Variants in MRS2 observed in about 807,000 individuals in gnomAD.
The protein encoded by MRS2 is magnesium transporter MRS2.
Under a neutral mutation model 52.6 loss-of-function variants are expected in MRS2, and 40 were observed. The ratio of observed to expected loss-of-function variants is 0.76; its 90% CI spans 0.59 to 0.99. The LOEUF is 0.99. MRS2 is among the 50% of genes least tolerant of loss of function. The pLI is 0.00. For synonymous variants in MRS2, 193 were observed against 195.9 expected (o/e 0.98, Z 0.13); for missense variants, 472 against 532.7 (o/e 0.89, Z 1.12).
chr6:24,422,908 C>G lies in MRS2; in HGVS notation c.1108-29C>G, dbSNP rs747259910. On this transcript the variant is annotated intron_variant, in intron 9 of 10. Coordinates refer to ENST00000378386, the MANE Select transcript of MRS2 (RefSeq NM_020662.4). ...ATCTTCTAAGGAACCTGGCGTTTTG[C>G]GATGGAAATGAACTGTGTTCTCTTT... 11 of 1,494,266 alleles carry G rather than the reference C, an allele frequency of 7.4e-6. No homozygotes were observed. In the South Asian group the frequency reaches 1.2e-4, roughly 16 times the overall value. 92.6% of individuals were successfully genotyped at this position (1,494,266 alleles called of 1,614,324 possible).
chr6:24,406,422 G>A (rs1029143032), intron 2 of MRS2, among the ~76,000 whole-genome samples: 10 of 152,028 alleles, frequency 6.6e-5, no homozygotes, highest in Non-Finnish European at 5.9e-5. Context: ...CCAGAATTGC[G>A]TTTAAAAGTT....
At position 24,423,406 on chromosome 6, in the gene MRS2, A is replaced by AGAT. The variant is rs1339038014; in HGVS notation, c.1222-177_1222-175dup. The AGAT allele has an allele frequency of 9.7e-5, 48 of 493,172 alleles. No homozygotes were observed. In the Middle Eastern group the frequency reaches 2.1e-3, roughly 22 times the overall value. The allele number at this position is 493,172 out of a possible 1,614,324, so 30.5% of individuals were successfully genotyped here. On this transcript the variant is annotated intron_variant, in intron 10 of 10. Coordinates refer to ENST00000378386, the MANE Select transcript of MRS2 (RefSeq NM_020662.4). ...AGGAAACATTTATAACGTTCTTAAA[A>AGAT]GATAGAAAATTCACCTCCATTTTCT... is the stretch of plus-strand genomic sequence containing the variant.
At position 24,418,467 on chromosome 6, in the gene MRS2, A is replaced by ATGG; in HGVS notation, c.996_997insTGG (p.Arg332_Asn333insTrp). On this transcript the variant is annotated inframe_insertion, in exon 9 of 11. Coordinates refer to ENST00000378386, the MANE Select transcript of MRS2 (RefSeq NM_020662.4). Reference sequence around the variant, plus strand: ...TAGGTGTTCTCCTCTCCAGCCACCGAAACGTGATGATGAGGTTGAATCTAC... The same window carrying ATGG: ...TAGGTGTTCTCCTCTCCAGCCACCGATGGAACGTGATGATGAGGTTGAATCTAC... 6.2e-7 allele frequency: 1 copy of ATGG among 1,614,098 alleles called. No individual in the cohort carries two copies.
At chr6:24,422,711 A>G (rs1435318939) in intron 9 of MRS2, among the ~76,000 whole-genome samples, 4 of 152,206 alleles carry the variant, frequency 2.6e-5, no homozygotes, top group African/African-American at 9.7e-5. Context: ...AAAGCAGTAC[A>G]TTTGGCATAT....
In MRS2 at chr6:24,403,136, C is replaced by T. The variant is rs774428615; in HGVS notation, c.90C>T (p.Thr30=). The T allele has an allele frequency of 1.2e-5, 19 of 1,611,634 alleles. No homozygotes were observed. Among genetic ancestry groups the T allele is most frequent in the Admixed American group, 1.7e-5 (1 of 60,014 alleles). ...RTLCALALDV[T]SVGPPVAACG... The stretch of plus-strand genomic sequence containing the variant: ...TGTGTGCCCTGGCCTTGGACGTGAC[C>T]TCTGTGGGTCCTCCCGTTGCTGCCT... Residue 30 remains threonine (T), a synonymous_variant, in exon 1 of 11, where the codon ACC becomes ACT. Transcript: ENST00000378386.
At chr6:24,409,905 T>C (rs750557486) in intron 4 of MRS2, among the ~76,000 whole-genome samples, 30 of 152,336 alleles carry the variant, frequency 2.0e-4, no homozygotes, top group Non-Finnish European at 4.0e-4. Context: ...TTGTGTACAG[T>C]TACATGTAAT....
At chr6:24,412,999 C>T (rs1302454422) in intron 5 of MRS2, among the ~76,000 whole-genome samples, 1 of 152,128 alleles carries the variant, frequency 6.6e-6, no homozygotes, top group Non-Finnish European at 1.5e-5. Flanking sequence ...TTGGGTGAAC[C>T]TGGCACACTT....
At chr6:24,405,091 T>TA in intron 1 of MRS2, 77 bp from the exon 2 acceptor site, 1 of 1,016,492 alleles carries the variant, frequency 9.8e-7, no homozygotes, top group East Asian at 2.4e-5. Flanking sequence ...GGCCTCCACA[T>TA]ACTTTGAGAG....
At chr6:24,418,613 T>G (rs1581708058) in intron 9 of MRS2, 35 bp downstream of exon 9, 4 of 1,535,620 alleles carry the variant, frequency 2.6e-6, no homozygotes, top group Non-Finnish European at 2.7e-6. Flanking sequence ...AACTTGGGGG[T>G]TTTGGCCGGG....
chr6:24,423,507 A>G (rs1762125161), intron 10 of MRS2, 77 bp from the exon 11 acceptor site: 1 of 713,502 alleles, frequency 1.4e-6, no homozygotes, highest in South Asian at 2.0e-5. Context: ...TTCACTGAGT[A>G]GTTACATAAT....
intron 5 of MRS2, among the ~76,000 whole-genome samples, chr6:24,412,869 C>T (rs1298002456): frequency 6.6e-6 from 1 of 152,154 alleles, no homozygotes; most frequent in African/African-American, 2.4e-5. Context: ...TCTTTTCTTC[C>T]TCCTGTTAAG....
At chr6:24,415,285 A>T (rs896254978) in intron 6 of MRS2, 122 bp downstream of exon 6, 2 of 925,484 alleles carry the variant, frequency 2.2e-6, no homozygotes, top group African/African-American at 3.3e-5. Context: ...AGTTGAGCTA[A>T]AAGGGGCACA....
chr6:24,413,180 G>C (rs1761725258), intron 5 of MRS2, among the ~76,000 whole-genome samples: 1 of 152,096 alleles, frequency 6.6e-6, no homozygotes, highest in South Asian at 2.1e-4. Flanking sequence ...TAAGTCATGG[G>C]CTCCACAGGC....
At chr6:24,423,523 ATTTTACTAGTGGCT>A (rs1762125763) in intron 10 of MRS2, 47 bp from the exon 11 acceptor site, 1 of 918,242 alleles carries the variant, frequency 1.1e-6, no homozygotes, top group Non-Finnish European at 1.7e-6. Context: ...ATAATACATC[ATTTTACTAGTGGCT>A]TTTCTTTTAA....
At chr6:24,404,240 A>G (rs1243116271) in intron 1 of MRS2, among the ~76,000 whole-genome samples, 1 of 148,732 alleles carries the variant, frequency 6.7e-6, no homozygotes, top group South Asian at 2.1e-4. Flanking sequence ...AGCAAGTTGG[A>G]GGAAACTTTT....
At chr6:24,407,193 G>A (rs920682082) in intron 2 of MRS2, among the ~76,000 whole-genome samples, 3 of 131,130 alleles carry the variant, frequency 2.3e-5, no homozygotes, top group East Asian at 2.0e-4. Flanking sequence ...TTTATGTTAC[G>A]TATATTTATT....
rs1430509187 is a variant in MRS2, at chr6:24,412,248, G to A, written c.441G>A (p.Glu147=). Residue 147 remains glutamate, a synonymous_variant, in exon 5 of 11, where the codon GAG becomes GAA. Transcript: ENST00000378386. ...ATTTGAAAGCTGTGATAACTCCAGA[G>A]TGTCTTCTGATATTAGATTATCGTA... The part of the protein sequence containing the change: ...MEYLKAVITP[E]CLLILDYRNL... 8.9e-6 allele frequency: 14 copies of A among 1,581,296 alleles called. No homozygotes were observed. The highest frequency in any genetic ancestry group is 1.2e-5 in the Non-Finnish European group (14 of 1,167,440).
chr6:24,420,710 G>A (rs192175763), intron 9 of MRS2, among the ~76,000 whole-genome samples: 4 of 152,270 alleles, frequency 2.6e-5, no homozygotes, highest in East Asian at 1.9e-4. Context: ...GATGTAAGGC[G>A]GTAACACCCT....
chr6:24,414,481 T>C (rs1015875573), intron 5 of MRS2, among the ~76,000 whole-genome samples: 4 of 151,716 alleles, frequency 2.6e-5, no homozygotes, highest in African/African-American at 2.4e-5. Context: ...GGTTATAGAT[T>C]AACAGCATCC....
Sources: allele counts gnomAD v4.1 joint callset (sites outside exome capture counted in the v4.1 genomes callset), GRCh38; gene constraint gnomAD v4.1.1; transcripts MANE v1.5; gene names NCBI Gene and HGNC (gene_info 2026-07-23, HGNC 2026-07-21).